The following DOP1A variants were observed in gnomAD, a reference collection of about 807,000 sequenced individuals.
The protein encoded by DOP1A is DOP1 leucine zipper like protein A, also known as protein DOP1A.
A neutral mutation model predicts 267.6 loss-of-function variants in DOP1A; 90 were observed. That is an observed-to-expected ratio of 0.34 (90% CI 0.28 to 0.40). DOP1A has a LOEUF of 0.40. Ranked by LOEUF, DOP1A falls within the 10% of genes least tolerant of loss-of-function variation. The pLI is 1.00. For missense variants in DOP1A, 2,437 were observed against 2,900.4 expected, an observed-to-expected ratio of 0.84 and a Z score of 3.67; for synonymous variants, 932 against 999.1, an observed-to-expected ratio of 0.93 and a Z score of 1.27.
At position 83,138,458 on chromosome 6, in the gene DOP1A, C is replaced by T. The variant is rs772079222; in HGVS notation, c.4416C>T (p.Val1472=). ...TGCGTAGCCATTACCCAACTCATGT[C>T]AAGGTTACTGCACAAGATTTAATAG... ...YYMRSHYPTH[V]KVTAQDLIGN... Residue 1472 remains valine, a synonymous_variant, in exon 21 of 39, where the codon GTC becomes GTT. Coordinates refer to ENST00000349129, the MANE Select transcript of DOP1A (RefSeq NM_015018.4). 3 of 1,612,698 alleles carry T rather than the reference C, an allele frequency of 1.9e-6. No homozygotes were observed. Among genetic ancestry groups the T allele is most frequent in the Non-Finnish European group, 2.5e-6 (3 of 1,179,870 alleles).
chr6:83,144,620 T>A (rs1780184933), intron 24 of DOP1A, among the ~76,000 whole-genome samples: 1 of 152,130 alleles, frequency 6.6e-6, no homozygotes, highest in Non-Finnish European at 1.5e-5. Context: ...AAATATGATA[T>A]AACAATGTTG....
intron 38 of DOP1A, chr6:83,166,734 A>G: frequency 8.7e-7 from 1 of 1,153,922 alleles, no homozygotes; most frequent in Non-Finnish European, 1.1e-6. Flanking sequence ...TAAGCTTGAG[A>G]GCACATAGAA....
In DOP1A at chr6:83,166,108, CATAGA is replaced by C. The variant is rs1283655964; in HGVS notation, c.7093-1748_7093-1744del. The C allele has an allele frequency of 1.2e-5, 5 of 410,814 alleles. No individual in the cohort carries two copies. The South Asian group carries it at 1.7e-4, about 14-fold the overall frequency. 25.4% of individuals were successfully genotyped at this position (410,814 alleles called of 1,614,324 possible). On this transcript the variant is annotated intron_variant, in intron 38 of 38. Transcript: ENST00000349129. ...ATAGAGAAATGATTCATTATTGTTG[CATAGA>C]ATAGAGAAAATGACACTTCAAAACA...
At chr6:83,110,679 A>C (rs1372994946) in intron 6 of DOP1A, among the ~76,000 whole-genome samples, 2 of 152,206 alleles carry the variant, frequency 1.3e-5, no homozygotes, top group Non-Finnish European at 2.9e-5. Flanking sequence ...TTTTAATTTC[A>C]AGATTAACAA....
intron 3 of DOP1A, among the ~76,000 whole-genome samples, chr6:83,098,327 A>T (rs1446725302): frequency 1.3e-5 from 2 of 152,200 alleles, no homozygotes; most frequent in African/African-American, 4.8e-5. Context: ...ACCCTAAAAC[A>T]AGTGGTTATT....
intron 5 of DOP1A, among the ~76,000 whole-genome samples, chr6:83,109,785 T>C (rs1397714950): frequency 6.6e-6 from 1 of 152,200 alleles, no homozygotes; most frequent in Non-Finnish European, 1.5e-5. Context: ...GTATATGGTA[T>C]TTTATTACTT....
In DOP1A at chr6:83,159,600, T is replaced by C. The variant is rs1783751523; in HGVS notation, c.6798-196T>C. 4.0e-5 allele frequency: 26 copies of C among 647,544 alleles called. No homozygotes were observed. The South Asian group carries it at 5.1e-4, about 13-fold the overall frequency. The allele number at this position is 647,544 out of a possible 1,614,324, so 40.1% of individuals were successfully genotyped here. A position where few individuals can be genotyped will look rare whatever the true frequency, so the allele number is the denominator to read the frequency against. The stretch of plus-strand genomic sequence containing the variant: ...GCCACTGCGCCCAGTCTATGTACTG[T>C]TTTTGCATTCTCAAAGAAGAAAAGT... On this transcript the variant is annotated intron_variant, in intron 36 of 38. Transcript: ENST00000349129.
chr6:83,107,866 T>G (rs1773904398), intron 4 of DOP1A, among the ~76,000 whole-genome samples: 1 of 152,202 alleles, frequency 6.6e-6, no homozygotes. Flanking sequence ...AATTCTTCAG[T>G]ATAGCTGGAG....
intron 1 of DOP1A, among the ~76,000 whole-genome samples, chr6:83,078,913 A>G (rs1767600742): frequency 6.6e-6 from 1 of 152,160 alleles, no homozygotes. Context: ...GAGCATTATT[A>G]ATATTGTTGT....
At position 83,158,686 on chromosome 6, in the gene DOP1A, A is replaced by G. The variant is rs557164264; in HGVS notation, c.6797+64A>G. 6 of 1,102,234 alleles carry G rather than the reference A, an allele frequency of 5.4e-6. No homozygotes were observed. The African/African-American group carries it at 9.5e-5, about 17-fold the overall frequency. The allele number at this position is 1,102,234 out of a possible 1,614,324, so 68.3% of individuals were successfully genotyped here. A position where few individuals can be genotyped will look rare whatever the true frequency, so the allele number is the denominator to read the frequency against. ...ATACCCTGAAATTATTCAGAATATT[A>G]CTCAGCATCTAGGAGAATATAGTCT... On this transcript the variant is annotated intron_variant, in intron 36 of 38. Transcript: ENST00000349129.
intron 7 of DOP1A, among the ~76,000 whole-genome samples, chr6:83,115,705 C>A (rs547233083): frequency 2.0e-5 from 3 of 152,212 alleles, no homozygotes; most frequent in African/African-American, 7.2e-5. Flanking sequence ...AGCCTGGCGA[C>A]AGAGCAAGAC....
chr6:83,162,847 G>A lies in DOP1A; in HGVS notation c.7020G>A (p.Arg2340=). ...ATGATTCAGGTTTGGAAGTCAGAAG[G>A]CAGGGTATACATCAACGAGAATTTA... The part of the protein sequence containing the change: ...ASDDSGLEVR[R]QGIHQREFKP... The change falls in exon 38 of 39, where the codon AGG becomes AGA. Residue 2340 remains arginine, a synonymous_variant. Transcript: ENST00000349129. 1 of 1,613,672 alleles carries A rather than the reference G, an allele frequency of 6.2e-7. No individual in the cohort carries two copies. The highest frequency in any genetic ancestry group is 8.5e-7 in the Non-Finnish European group (1 of 1,179,686).
In DOP1A at chr6:83,097,098, C is replaced by G; in HGVS notation, c.121C>G (p.Leu41Val). Residue 41 changes from leucine (L) to valine (V), a missense_variant, in exon 3 of 39, where the codon CTT (leucine) becomes GTT (valine). Physicochemically the swap from Leu to Val is conservative, Grantham distance 32. This residue lies in a region of DOP1A where 251 missense variants were observed against 359.1 expected (regional missense o/e 0.70). Transcript: ENST00000349129. ...TGAATGGGCAGATTTGATATCAGCA[C>G]TTGGAAAACTTAATAAGGTATGTCT... ...SSEWADLISA[L>V]GKLNKVLQNN... The G allele has an allele frequency of 6.2e-7, 1 of 1,613,938 alleles. No individual in the cohort carries two copies. Among genetic ancestry groups the G allele is most frequent in the Non-Finnish European group, 8.5e-7 (1 of 1,179,912 alleles).
At chr6:83,169,170 T>G, downstream of DOP1A, 1 of 1,596,858 alleles carries the variant, frequency 6.3e-7, no homozygotes, top group Non-Finnish European at 8.5e-7. Flanking sequence ...GTACTGCCAT[T>G]ATTATTGACA....
At chr6:83,081,680 A>G (rs1768097878) in intron 1 of DOP1A, among the ~76,000 whole-genome samples, 2 of 152,192 alleles carry the variant, frequency 1.3e-5, no homozygotes, top group South Asian at 4.1e-4. Flanking sequence ...AAGCAAAAAT[A>G]GACAAATGGG....
intron 1 of DOP1A, among the ~76,000 whole-genome samples, chr6:83,085,553 T>C (rs1768984331): frequency 6.6e-6 from 1 of 152,114 alleles, no homozygotes; most frequent in African/African-American, 2.4e-5. Flanking sequence ...AGATTTTAAA[T>C]GTAGAGAATA....
In DOP1A at chr6:83,137,602, T is replaced by C. The variant is rs781140385; in HGVS notation, c.3560T>C (p.Ile1187Thr). Residue 1187 changes from isoleucine to threonine, a missense_variant, in exon 21 of 39, where the codon ATA becomes ACA. Physicochemically the swap from Ile to Thr is moderately conservative, Grantham distance 89. Transcript: ENST00000349129. The stretch of plus-strand genomic sequence containing the variant: ...GCTATGCCCCCAAAGTGCAGTGATA[T>C]AGATCCAGATGAAGAGACGATTAAA... ...IEAMPPKCSD[I>T]DPDEETIKIE... 6.2e-6 allele frequency: 10 copies of C among 1,613,714 alleles called. No homozygotes were observed. Among genetic ancestry groups the C allele is most frequent in the Middle Eastern group, 1.6e-4 (1 of 6,078 alleles).
chr6:83,100,852 C>A lies in DOP1A; in HGVS notation c.286C>A (p.Pro96Thr). 1 of 1,562,128 alleles carries A rather than the reference C, an allele frequency of 6.4e-7. No homozygotes were observed. Among genetic ancestry groups the A allele is most frequent in the South Asian group, 1.3e-5 (1 of 79,118 alleles). The change falls in exon 4 of 39, where the codon CCT (proline) becomes ACT (threonine). Residue 96 changes from proline to threonine, a missense_variant. Coordinates refer to ENST00000349129, the MANE Select transcript of DOP1A (RefSeq NM_015018.4). ...TGAAATTATCTTCAAAATAATTGGA[C>A]CTAAGCGACTTGCCAAAGATCTTTT... ...TYEIIFKIIG[P>T]KRLAKDLFLY...
In DOP1A at chr6:83,138,137, C is replaced by T. The variant is rs1216206618; in HGVS notation, c.4095C>T (p.Leu1365=). The change falls in exon 21 of 39, where the codon CTC becomes CTT. Residue 1365 remains leucine, a synonymous_variant. Coordinates refer to ENST00000349129, the MANE Select transcript of DOP1A (RefSeq NM_015018.4). ...CTCCCAATTTCAACATTCATCCTCT[C>T]TATCAACATGTGCTCCTGTATCTCC... ...RKSPNFNIHP[L]YQHVLLYLQL... is the part of the protein sequence containing the mutation. 6.2e-7 allele frequency: 1 copy of T among 1,613,858 alleles called. No individual in the cohort carries two copies. The highest frequency in any genetic ancestry group is 8.5e-7 in the Non-Finnish European group (1 of 1,179,914).
Sources: allele counts gnomAD v4.1 joint callset (sites outside exome capture counted in the v4.1 genomes callset), GRCh38; gene constraint gnomAD v4.1.1; regional missense constraint gnomAD v4.1.1; transcripts MANE v1.5; gene names NCBI Gene and HGNC (gene_info 2026-07-23, HGNC 2026-07-21).